Variants in PPM1G observed in about 807,000 individuals in gnomAD.
The protein encoded by PPM1G is protein phosphatase 1G.
A neutral mutation model predicts 59.4 loss-of-function variants in PPM1G; 12 were observed. That is an observed-to-expected ratio of 0.20 (90% CI 0.13 to 0.33). PPM1G has a LOEUF of 0.33. Among genes scored for constraint, PPM1G ranks in the 10% least tolerant of loss-of-function variants. The pLI, the probability that PPM1G is intolerant of heterozygous loss-of-function variation, is 1.00. For synonymous variants in PPM1G, 245 were observed against 251.9 expected (o/e 0.97, Z 0.26); for missense variants, 392 against 681.3 (o/e 0.58, Z 4.73).
At chr2:27,393,147 T>C in intron 1 of PPM1G, 1 of 1,415,758 alleles carries the variant, frequency 7.1e-7, no homozygotes, top group South Asian at 1.1e-5. Flanking sequence ...TCGTTGGTTC[T>C]ACAGCTTCAT....
Position 27,385,755 on chromosome 2 carries a change from T to C in PPM1G, c.401A>G (p.Glu134Gly). ...DEDEKEKVAD[E>G]DDVDNEEAAL... Reference sequence around the variant, plus strand: ...AGGGATGCCACACTCACCATCATCTTCATCAGCTACTTTTTCTTTTTCATC... The same window carrying C: ...AGGGATGCCACACTCACCATCATCTCCATCAGCTACTTTTTCTTTTTCATC... The change falls in exon 4 of 10, where the codon GAA (glutamate) becomes GGA (glycine). Residue 134 changes from glutamate to glycine, a missense_variant. Around this residue, in one of 6 missense-constraint regions of PPM1G, gnomAD observed 188 missense variants for 248.8 expected, o/e 0.76. Transcript: ENST00000344034. The surrounding 1 kb of genome is among the most constrained non-coding windows in gnomAD (Gnocchi z 4.1). 6.2e-7 allele frequency: 1 copy of C among 1,612,444 alleles called. No homozygotes were observed. The highest frequency in any genetic ancestry group is 8.5e-7 in the Non-Finnish European group (1 of 1,179,576).
rs111912570 is a variant in PPM1G, at chr2:27,394,529, G to C, written c.121-7371C>G. Among the ~76,000 whole-genome samples the C allele has an allele frequency of 5.8e-4, 88 of 151,978 alleles. 1 individual carries two copies. Among genetic ancestry groups the C allele is most frequent in the African/African-American group, 2.1e-3 (86 of 41,498 alleles). ...GCGGATCTCTAGGTCAAGAGATTGA[G>C]ACCATCCTGGCCAACATGGTGAAAC... On this transcript the variant is annotated intron_variant, in intron 1 of 9. Transcript: ENST00000344034.
intron 1 of PPM1G, among the ~76,000 whole-genome samples, chr2:27,405,068 C>A (rs1398768858): frequency 4.8e-5 from 6 of 126,172 alleles, no homozygotes; most frequent in Non-Finnish European, 7.9e-5. Flanking sequence ...CCACAACCTA[C>A]CTCATTTTTT....
In PPM1G at chr2:27,382,493, A is replaced by G; in HGVS notation, c.1314T>C (p.Ile438=). 1 of 1,614,204 alleles carries G rather than the reference A, an allele frequency of 6.2e-7. No individual in the cohort carries two copies. The highest frequency in any genetic ancestry group is 8.5e-7 in the Non-Finnish European group (1 of 1,180,036). ...GTGCTCACCAGATGCCATCACAGGC[A>G]ATGACCATGAATTCATGGTCGTCAG... ...TLTDDHEFMV[I]ACDGIWNVMS... The change falls in exon 8 of 10, where the codon ATT becomes ATC. Residue 438 remains isoleucine (I), a synonymous_variant. Coordinates refer to ENST00000344034, the MANE Select transcript of PPM1G (RefSeq NM_177983.3). The surrounding 1 kb of genome is among the most constrained non-coding windows in gnomAD (Gnocchi z 4.2).
chr2:27,403,490 C>G (rs1175246088), intron 1 of PPM1G, among the ~76,000 whole-genome samples: 1 of 152,158 alleles, frequency 6.6e-6, no homozygotes, highest in East Asian at 1.9e-4. Flanking sequence ...CATGGGCATA[C>G]ATGTGATATA....
chr2:27,385,907 T>C lies in PPM1G; in HGVS notation c.277-28A>G. On this transcript the variant is annotated intron_variant, in intron 3 of 9. Transcript: ENST00000344034. This position sits in a 1 kb window ranked among gnomAD's most constrained non-coding sequence, Gnocchi z 4.1. Reference sequence around the variant, plus strand: ...GAATATAAGCAAAATAGTCTAAGACTAGTACAAAATGAACTCCCTATATAC... The same window carrying C: ...GAATATAAGCAAAATAGTCTAAGACCAGTACAAAATGAACTCCCTATATAC... The C allele has an allele frequency of 6.2e-7, 1 of 1,602,418 alleles. No individual in the cohort carries two copies. The highest frequency in any genetic ancestry group is 8.5e-7 in the Non-Finnish European group (1 of 1,176,582).
Position 27,385,112 on chromosome 2 carries a change from A to G in PPM1G, c.410-24T>C. On this transcript the variant is annotated intron_variant, in intron 4 of 9. Transcript: ENST00000344034. The surrounding 1 kb of genome is among the most constrained non-coding windows in gnomAD (Gnocchi z 4.1). ...CACTGCAGGGAAGAGGCTAAATCAG[A>G]GCCCCCATGCCAGACTCCTCATGGG... 1 of 1,559,264 alleles carries G rather than the reference A, an allele frequency of 6.4e-7. No individual in the cohort carries two copies. The highest frequency in any genetic ancestry group is 1.9e-4 in the Middle Eastern group (1 of 5,332).
chr2:27,383,263 T>C lies in PPM1G; in HGVS notation c.1201+103A>G. 1.0e-6 allele frequency: 1 copy of C among 975,804 alleles called. No individual in the cohort carries two copies. Among genetic ancestry groups the C allele is most frequent in the Non-Finnish European group, 1.6e-6 (1 of 634,448 alleles). The allele number at this position is 975,804 out of a possible 1,614,324, so 60.4% of individuals were successfully genotyped here. ...AGAACAGAGGTAGTAGATATTAAAG[T>C]GCTTTGAAAGGCACAAGCACTAGGA... On this transcript the variant is annotated intron_variant, in intron 7 of 9. Transcript: ENST00000344034. The surrounding 1 kb of genome is among the most constrained non-coding windows in gnomAD (Gnocchi z 5.0).
At chr2:27,392,852 G>A (rs978824962) in intron 1 of PPM1G, 2 of 1,475,772 alleles carry the variant, frequency 1.4e-6, no homozygotes, top group African/African-American at 1.4e-5. Flanking sequence ...CCAGATTCGG[G>A]CGCTCCCATC....
At chr2:27,397,912 G>A (rs146104396) in intron 1 of PPM1G, among the ~76,000 whole-genome samples, 1 of 152,090 alleles carries the variant, frequency 6.6e-6, no homozygotes, top group East Asian at 1.9e-4. Flanking sequence ...GAATAAAAGG[G>A]AACTTCCTAA....
chr2:27,382,290 G>C lies in PPM1G; in HGVS notation c.1332-62C>G, dbSNP rs969058721. The C allele has an allele frequency of 3.2e-6, 5 of 1,577,780 alleles. No individual in the cohort carries two copies. Among genetic ancestry groups the C allele is most frequent in the Non-Finnish European group, 4.4e-6 (5 of 1,147,570 alleles). ...CACTAAGGCAGCGTAGAGGAGTATG[G>C]ACAGAGGTGGTGGCCCAGGCCAGTG... On this transcript the variant is annotated intron_variant, in intron 8 of 9. Coordinates refer to ENST00000344034, the MANE Select transcript of PPM1G (RefSeq NM_177983.3). This position sits in a 1 kb window ranked among gnomAD's most constrained non-coding sequence, Gnocchi z 4.2.
At position 27,384,021 on chromosome 2, in the gene PPM1G, C is replaced by G; in HGVS notation, c.897G>C (p.Glu299Asp). 1 of 1,600,774 alleles carries G rather than the reference C, an allele frequency of 6.2e-7. No homozygotes were observed. The highest frequency in any genetic ancestry group is 8.5e-7 in the Non-Finnish European group (1 of 1,173,454). The change falls in exon 6 of 10, where the codon GAG becomes GAC. Residue 299 changes from glutamate (E) to aspartate (D), a missense_variant. Physicochemically the swap from Glu to Asp is conservative, Grantham distance 45. Coordinates refer to ENST00000344034, the MANE Select transcript of PPM1G (RefSeq NM_177983.3). This position sits in a 1 kb window ranked among gnomAD's most constrained non-coding sequence, Gnocchi z 4.8. ...CTTCTTCATCGTCCTCTTCAGCCTC[C>G]TCGGTGTCATCCTCATCTTCCTCAT... ...AENEEDEDDT[E>D]EAEEDDEEEE...
At position 27,387,157 on chromosome 2, in the gene PPM1G, T is replaced by C; in HGVS notation, c.122A>G (p.Asp41Gly). ...AMQGWRVSMEDAHNCIPELDS... is the reference protein window; with the variant it reads ...AMQGWRVSMEGAHNCIPELDS... ...CAGCTCAGGAATACAGTTGTGAGCA[T>C]CCTAGGAAAAGAAGAGCATAATCGG... Residue 41 changes from aspartate (D) to glycine (G), a missense_variant and splice_region_variant, in exon 2 of 10, where the codon GAT becomes GGT. This residue lies in a region of PPM1G where 68 missense variants were observed against 145.9 expected (regional missense o/e 0.47). Coordinates refer to ENST00000344034, the MANE Select transcript of PPM1G (RefSeq NM_177983.3). 1 of 1,611,170 alleles carries C rather than the reference T, an allele frequency of 6.2e-7. No homozygotes were observed. Among genetic ancestry groups the C allele is most frequent in the East Asian group, 2.2e-5 (1 of 44,858 alleles).
chr2:27,393,339 C>A, intron 1 of PPM1G: 1 of 1,596,876 alleles, frequency 6.3e-7, no homozygotes, highest in Non-Finnish European at 8.5e-7. Context: ...GTAGTTCTGG[C>A]GCACCTGCGA....
chr2:27,399,098 C>T (rs1458320685), intron 1 of PPM1G, among the ~76,000 whole-genome samples: 1 of 151,940 alleles, frequency 6.6e-6, no homozygotes, highest in African/African-American at 2.4e-5. Flanking sequence ...CAAGATCGCG[C>T]CACTCCATTC....
At chr2:27,409,210 G>A in intron 1 of PPM1G, 93 bp downstream of exon 1, 1 of 1,453,426 alleles carries the variant, frequency 6.9e-7, no homozygotes, top group Admixed American at 2.6e-5. Flanking sequence ...TCCCAATTGG[G>A]ACCCTTCCCA....
At chr2:27,388,747 C>T (rs1050595650) in intron 1 of PPM1G, among the ~76,000 whole-genome samples, 1 of 151,660 alleles carries the variant, frequency 6.6e-6, no homozygotes, top group South Asian at 2.1e-4. Flanking sequence ...TGATGGTGGG[C>T]GCCTGTAGTC....
intron 1 of PPM1G, among the ~76,000 whole-genome samples, chr2:27,398,431 T>C (rs942436565): frequency 6.6e-5 from 10 of 151,994 alleles, no homozygotes; most frequent in Non-Finnish European, 1.0e-4. Flanking sequence ...TCTCGTGACT[T>C]TGGGTTAGGC....
chr2:27,401,558 G>A (rs1465308133), intron 1 of PPM1G, among the ~76,000 whole-genome samples: 2 of 152,214 alleles, frequency 1.3e-5, no homozygotes, highest in African/African-American at 4.8e-5. Flanking sequence ...AGGCACGGTG[G>A]CTCATGCCTG....
Sources: allele counts gnomAD v4.1 joint callset (sites outside exome capture counted in the v4.1 genomes callset), GRCh38; gene constraint gnomAD v4.1.1; regional missense constraint gnomAD v4.1.1; non-coding constraint Gnocchi (gnomAD v3.1); transcripts MANE v1.5; gene names NCBI Gene and HGNC (gene_info 2026-07-23, HGNC 2026-07-21).